Variants in STAG1 observed in about 807,000 individuals in gnomAD.
STAG1 encodes the protein STAG1 cohesin complex component.
A neutral mutation model predicts 170.9 loss-of-function variants in STAG1; 26 were observed. The observed-to-expected ratio is 0.15, with a 90% CI of 0.11 to 0.21. The LOEUF is 0.21. STAG1 is among the 10% of genes least tolerant of loss of function. The pLI, the probability that STAG1 is intolerant of heterozygous loss-of-function variation, is 1.00. For missense variants in STAG1, 964 were observed against 1,509.5 expected, an observed-to-expected ratio of 0.64 and a Z score of 5.99; for synonymous variants, 514 against 497.7, an observed-to-expected ratio of 1.03 and a Z score of -0.44.
chr3:136,428,005 G>A (rs973509783), intron 16 of STAG1, among the ~76,000 whole-genome samples: 3 of 151,690 alleles, frequency 2.0e-5, no homozygotes, highest in South Asian at 2.1e-4. Context: ...TCTCCAAGAC[G>A]CCATTAAGAA....
chr3:136,571,348 G>A (rs778313123), intron 4 of STAG1, among the ~76,000 whole-genome samples: 4 of 152,072 alleles, frequency 2.6e-5, no homozygotes, highest in African/African-American at 9.7e-5. Flanking sequence ...GTGGGCAGAC[G>A]ACTTGAGCAC....
chr3:136,413,478 G>C (rs1362333708), intron 21 of STAG1, among the ~76,000 whole-genome samples: 3 of 150,408 alleles, frequency 2.0e-5, no homozygotes, highest in African/African-American at 7.3e-5. Flanking sequence ...TTTTTTTTGA[G>C]ATGGAGTTTT....
At chr3:136,426,334 C>T (rs2088123521) in intron 16 of STAG1, among the ~76,000 whole-genome samples, 1 of 152,112 alleles carries the variant, frequency 6.6e-6, no homozygotes, top group Non-Finnish European at 1.5e-5. Flanking sequence ...GGCGTGAACC[C>T]CCAGGGGGCG....
At chr3:136,714,171 T>TGAGAAA (rs1943459038) in intron 1 of STAG1, among the ~76,000 whole-genome samples, 1 of 151,836 alleles carries the variant, frequency 6.6e-6, no homozygotes, top group Non-Finnish European at 1.5e-5. Flanking sequence ...GAGCCTGCAC[T>TGAGAAA]CCCGTCTGAG....
chr3:136,457,998 A>G (rs932113406), intron 13 of STAG1, among the ~76,000 whole-genome samples: 23 of 152,224 alleles, frequency 1.5e-4, no homozygotes, highest in Admixed American at 1.2e-3. Context: ...TGCTGAGATA[A>G]GCAAAATTTT....
At chr3:136,486,523 C>T (rs1284780800) in intron 9 of STAG1, among the ~76,000 whole-genome samples, 2 of 152,198 alleles carry the variant, frequency 1.3e-5, no homozygotes, top group Non-Finnish European at 2.9e-5. Flanking sequence ...CAAGTAGTAT[C>T]TCTGCCGAGG....
intron 22 of STAG1, among the ~76,000 whole-genome samples, chr3:136,383,846 T>C (rs2108316936): frequency 6.7e-6 from 1 of 150,330 alleles, no homozygotes; most frequent in East Asian, 2.0e-4. Context: ...TCCTAGCTAC[T>C]CGGGAGGCTG....
rs140804346 is a variant in STAG1, at chr3:136,666,721, G to A, written c.-83-35740C>T. ...TGTAATCCCAGCTACTCAGGAGACT[G>A]AGGTAGGAGAATCGCTAGAACCCTG... On this transcript the variant is annotated intron_variant, in intron 1 of 33. Coordinates refer to ENST00000383202, the MANE Select transcript of STAG1 (RefSeq NM_005862.3). Among the ~76,000 whole-genome samples, 945 of 152,008 alleles carry A rather than the reference G, an allele frequency of 6.2e-3. 4 individuals carry two copies. The highest frequency in any genetic ancestry group is 0.011 in the Non-Finnish European group (744 of 67,970).
At chr3:136,635,898 G>A (rs1317964356) in intron 1 of STAG1, among the ~76,000 whole-genome samples, 1 of 152,182 alleles carries the variant, frequency 6.6e-6, no homozygotes, top group African/African-American at 2.4e-5. Context: ...ATTCTTAGGT[G>A]TAAATCCAAC....
Position 136,741,012 on chromosome 3 carries a change from G to A in STAG1, c.-84+11183C>T, listed in dbSNP as rs78464730. Among the ~76,000 whole-genome samples the A allele has an allele frequency of 9.0e-3, 1,375 of 152,298 alleles. 28 individuals carry two copies. Among genetic ancestry groups the A allele is most frequent in the African/African-American group, 0.029 (1,225 of 41,556 alleles). On this transcript the variant is annotated intron_variant, in intron 1 of 33. Coordinates refer to ENST00000383202, the MANE Select transcript of STAG1 (RefSeq NM_005862.3). ...CAGTTTTGGAAGACAACTCTCCATG[G>A]AGTCTCTTGATTTTCTGCCTGTCTT...
intron 9 of STAG1, among the ~76,000 whole-genome samples, chr3:136,478,817 G>A (rs1370600468): frequency 6.6e-6 from 1 of 152,052 alleles, no homozygotes; most frequent in Non-Finnish European, 1.5e-5. Flanking sequence ...ACAACATAGT[G>A]GCTAAAAGTA....
chr3:136,646,758 T>G (rs962676275), intron 1 of STAG1, among the ~76,000 whole-genome samples: 3 of 151,828 alleles, frequency 2.0e-5, no homozygotes. Flanking sequence ...ATACAAAAAG[T>G]AGCTGGGCAT....
In STAG1 at chr3:136,449,021, G is replaced by A. The variant is rs558658904; in HGVS notation, c.1428+3012C>T. ...CAAAATTTTACCAATTAAAGTGTGT[G>A]ACAGTAAAACAAAGAGAAATTCAGA... On this transcript the variant is annotated intron_variant, in intron 14 of 33. Coordinates refer to ENST00000383202, the MANE Select transcript of STAG1 (RefSeq NM_005862.3). Among the ~76,000 whole-genome samples the A allele has an allele frequency of 1.7e-4, 26 of 152,224 alleles. 1 individual carries two copies. Among genetic ancestry groups the A allele is most frequent in the South Asian group, 8.3e-4 (4 of 4,822 alleles).
chr3:136,370,039 C>T (rs952453987), intron 23 of STAG1, among the ~76,000 whole-genome samples: 3 of 149,054 alleles, frequency 2.0e-5, no homozygotes, highest in African/African-American at 4.9e-5. Context: ...ATGTTACTGG[C>T]GTATGTATTT....
rs374891310 is a variant in STAG1, at chr3:136,451,721, C to T, written c.1428+312G>A. On this transcript the variant is annotated intron_variant, in intron 14 of 33. Transcript: ENST00000383202. ...GAGGCTGCAGTGAGCCGAGATCGCA[C>T]CACTGTACTCCAGCCTGGGTGACAG... Among the ~76,000 whole-genome samples the T allele has an allele frequency of 2.2e-4, 33 of 152,002 alleles. No individual in the cohort carries two copies. In the East Asian group the frequency reaches 5.8e-3, roughly 27 times the overall value.
At chr3:136,590,430 T>C (rs561719977) in intron 4 of STAG1, among the ~76,000 whole-genome samples, 75 of 151,468 alleles carry the variant, frequency 5.0e-4, no homozygotes, top group Non-Finnish European at 3.2e-4. Flanking sequence ...GAGGCAGAGG[T>C]TGCAGTGAGC....
At chr3:136,368,548 C>T (rs1452667332) in intron 24 of STAG1, among the ~76,000 whole-genome samples, 1 of 152,106 alleles carries the variant, frequency 6.6e-6, no homozygotes, top group African/African-American at 2.4e-5. Flanking sequence ...CAACATCTAT[C>T]CTACATACAC....
At chr3:136,658,509 A>C (rs1369795853) in intron 1 of STAG1, among the ~76,000 whole-genome samples, 2 of 152,160 alleles carry the variant, frequency 1.3e-5, no homozygotes, top group Non-Finnish European at 2.9e-5. Context: ...GCTGTAACAT[A>C]ATCAGTTCAT....
intron 1 of STAG1, among the ~76,000 whole-genome samples, chr3:136,730,854 G>A (rs1934002529): frequency 6.6e-6 from 1 of 152,154 alleles, no homozygotes; most frequent in Non-Finnish European, 1.5e-5. Context: ...CTGAAGAGGT[G>A]GGCTATAGCA....
Sources: gnomAD v4.1 joint callset for allele counts (sites outside exome capture counted in the v4.1 genomes callset) on GRCh38, gnomAD v4.1.1 for gene constraint, MANE v1.5 for transcripts, NCBI Gene and HGNC (gene_info 2026-07-23, HGNC 2026-07-21) for gene names.